Variants in PLEKHG1 observed in about 807,000 individuals in gnomAD.
PLEKHG1 encodes pleckstrin homology domain-containing family G member 1.
A neutral mutation model predicts 100.8 loss-of-function variants in PLEKHG1; 44 were observed. That is an observed-to-expected ratio of 0.44 (90% CI 0.34 to 0.56). The LOEUF is 0.56. PLEKHG1 is among the 20% of genes least tolerant of loss of function. The pLI is 0.01. For missense variants in PLEKHG1, 1,545 were observed against 1,720.9 expected (o/e 0.90, Z 1.81); for synonymous variants, 640 against 662.5 (o/e 0.97, Z 0.52).
chr6:150,621,158 A>G (rs1326769693), intron 1 of PLEKHG1, among the ~76,000 whole-genome samples: 2 of 152,170 alleles, frequency 1.3e-5, no homozygotes, highest in African/African-American at 2.4e-5. Flanking sequence ...CCTGACAAGT[A>G]GAAGTAGTAG....
intron 2 of PLEKHG1, among the ~76,000 whole-genome samples, chr6:150,643,423 G>C (rs993083981): frequency 2.0e-5 from 3 of 152,150 alleles, no homozygotes; most frequent in Non-Finnish European, 4.4e-5. Context: ...TGTGTGTCCT[G>C]TGGAACCTAG....
chr6:150,754,558 A>C (rs1783713208), intron 2 of PLEKHG1, among the ~76,000 whole-genome samples: 1 of 152,116 alleles, frequency 6.6e-6, no homozygotes, highest in Admixed American at 6.5e-5. Context: ...AGGACAAGTC[A>C]GTTTCAAAAA....
At chr6:150,701,437 A>G (rs1582966161) in intron 3 of PLEKHG1, among the ~76,000 whole-genome samples, 1 of 67,794 alleles carries the variant, frequency 1.5e-5, no homozygotes, top group Non-Finnish European at 2.5e-5. Context: ...ATATATATAT[A>G]TATATATATA....
chr6:150,813,186 T>C (rs1787638445), intron 10 of PLEKHG1, among the ~76,000 whole-genome samples: 2 of 151,426 alleles, frequency 1.3e-5, no homozygotes, highest in Admixed American at 1.3e-4. Context: ...GTGCCTGTAG[T>C]CCCAGCTACG....
intron 3 of PLEKHG1, among the ~76,000 whole-genome samples, chr6:150,679,006 A>G (rs1183934542): frequency 6.6e-6 from 1 of 152,254 alleles, no homozygotes; most frequent in African/African-American, 2.4e-5. Flanking sequence ...AAAATAAGTA[A>G]TAAATCTCTG....
chr6:150,817,933 CCCT>C (rs1421509498), intron 10 of PLEKHG1, among the ~76,000 whole-genome samples: 2 of 152,050 alleles, frequency 1.3e-5, no homozygotes, highest in African/African-American at 4.8e-5. Flanking sequence ...CAGCCTCCCT[CCCT>C]CCTCTTTCAC....
At chr6:150,713,568 A>G (rs1781315670) in intron 3 of PLEKHG1, among the ~76,000 whole-genome samples, 1 of 152,176 alleles carries the variant, frequency 6.6e-6, no homozygotes, top group Admixed American at 6.5e-5. Context: ...TGGGGGAAGA[A>G]GACTGATTGT....
At chr6:150,758,639 C>G (rs1436300471) in intron 2 of PLEKHG1, among the ~76,000 whole-genome samples, 2 of 152,182 alleles carry the variant, frequency 1.3e-5, no homozygotes, top group Admixed American at 6.5e-5. Context: ...CTGGCCATTT[C>G]TTGACTTTTT....
chr6:150,778,113 T>C (rs1785096426), intron 3 of PLEKHG1, among the ~76,000 whole-genome samples: 1 of 152,222 alleles, frequency 6.6e-6, no homozygotes, highest in Non-Finnish European at 1.5e-5. Context: ...CCAAGCTCAT[T>C]CTATCCTGGT....
chr6:150,754,931 A>G (rs1783743088), intron 2 of PLEKHG1, among the ~76,000 whole-genome samples: 1 of 152,144 alleles, frequency 6.6e-6, no homozygotes, highest in South Asian at 2.1e-4. Flanking sequence ...TGGCCTCCCA[A>G]AGTGCTGAGA....
chr6:150,746,104 G>C (rs1190506676), intron 2 of PLEKHG1, among the ~76,000 whole-genome samples: 2 of 152,126 alleles, frequency 1.3e-5, no homozygotes, highest in African/African-American at 4.8e-5. Context: ...GAATGGGCCA[G>C]GTTCCAAATG....
At chr6:150,648,106 G>A (rs192579514) in intron 2 of PLEKHG1, among the ~76,000 whole-genome samples, 1 of 152,014 alleles carries the variant, frequency 6.6e-6, no homozygotes, top group African/African-American at 2.4e-5. Context: ...TCTATTTTCA[G>A]ACTGTCTTCA....
chr6:150,717,787 C>T (rs1426674200), upstream of PLEKHG1, among the ~76,000 whole-genome samples: 4 of 152,116 alleles, frequency 2.6e-5, no homozygotes, highest in East Asian at 7.7e-4. Context: ...TTTAAAAAGA[C>T]ATTTTGGGCT....
chr6:150,730,792 A>G (rs1034143987), intron 1 of PLEKHG1, among the ~76,000 whole-genome samples: 1 of 152,124 alleles, frequency 6.6e-6, no homozygotes, highest in African/African-American at 2.4e-5. Flanking sequence ...AATCCCAGCT[A>G]CTAGGTAGGC....
intron 1 of PLEKHG1, among the ~76,000 whole-genome samples, chr6:150,633,627 G>A (rs1291570908): frequency 1.3e-5 from 2 of 152,216 alleles, no homozygotes; most frequent in African/African-American, 4.8e-5. Context: ...CATCTCAGAG[G>A]TGGTGCAGAG....
rs1412938310 is a variant in PLEKHG1, at chr6:150,821,842, TTA to T, written c.1447+611_1447+612del. 1.2e-3 allele frequency among the ~76,000 whole-genome samples: 187 copies of T among 151,438 alleles called. 4 individuals carry two copies. The highest frequency in any genetic ancestry group is 0.012 in the Admixed American group (185 of 15,204). On this transcript the variant is annotated intron_variant, in intron 13 of 15. Transcript: ENST00000358517. ...ACAGAGGACTCTTTTATTTTTTTTT[TTA>T]TTTTTTTATTTTTTGAGACAGAGTC...
intron 8 of PLEKHG1, 43 bp downstream of exon 9, chr6:150,809,330 G>A (rs933192252): frequency 1.9e-6 from 3 of 1,611,078 alleles, no homozygotes; most frequent in Non-Finnish European, 2.5e-6. Context: ...CAGATCCCCA[G>A]TTCTGTTCCC....
At position 150,802,664 on chromosome 6, in the gene PLEKHG1, A is replaced by ATTTC. The variant is rs57482989; in HGVS notation, c.780+1798_780+1799insCTTT. Among the ~76,000 whole-genome samples, 251 of 143,432 alleles carry ATTTC rather than the reference A, an allele frequency of 1.7e-3. 6 individuals are homozygous for ATTTC. The highest frequency in any genetic ancestry group is 4.5e-3 in the African/African-American group (176 of 39,096). 94.1% of individuals were successfully genotyped at this position (143,432 alleles called of 152,430 possible). A position where few individuals can be genotyped will look rare whatever the true frequency, so the allele number is the denominator to read the frequency against. Reference sequence around the variant, plus strand: ...GGGCTCCCTCTATGTCATTCACATCATTTTTTTTTTTTTTTGAGATGGAGT... The same window carrying ATTTC: ...GGGCTCCCTCTATGTCATTCACATCATTTCTTTTTTTTTTTTTTTGAGATGGAGT... On this transcript the variant is annotated intron_variant, in intron 6 of 15. Coordinates refer to ENST00000358517, the Ensembl canonical transcript of PLEKHG1.
At chr6:150,680,660 C>G (rs761178415) in intron 3 of PLEKHG1, among the ~76,000 whole-genome samples, 1 of 152,146 alleles carries the variant, frequency 6.6e-6, no homozygotes, top group Non-Finnish European at 1.5e-5. Flanking sequence ...CCAGAAGTGT[C>G]AGATGTTTCC....
Sources: allele counts gnomAD v4.1 joint callset (sites outside exome capture counted in the v4.1 genomes callset), GRCh38; gene constraint gnomAD v4.1.1; transcripts MANE v1.5; gene names NCBI Gene and HGNC (gene_info 2026-07-23, HGNC 2026-07-21).